The following TMEM39B variants were observed in gnomAD, a reference collection of about 807,000 sequenced individuals.
TMEM39B encodes transmembrane protein 39B.
Under a neutral mutation model 52.2 loss-of-function variants are expected in TMEM39B, and 23 were observed. That is an observed-to-expected ratio of 0.44 (90% CI 0.32 to 0.62). The LOEUF is 0.62. Ranked by LOEUF, TMEM39B falls within the 20% of genes least tolerant of loss-of-function variation. TMEM39B has a pLI of 0.06. For synonymous variants in TMEM39B, 285 were observed against 264.0 expected (o/e 1.08, Z -0.77); for missense variants, 547 against 642.0 (o/e 0.85, Z 1.60).
At chr1:32,075,239 A>T (rs775669449) in intron 2 of TMEM39B, among the ~76,000 whole-genome samples, 162 bp downstream of exon 2, 25 of 152,184 alleles carry the variant, frequency 1.6e-4, no homozygotes, top group Non-Finnish European at 3.2e-4. Flanking sequence ...GTTGAGGGTG[A>T]TCACTTGGAC....
rs1246890765 is a variant in TMEM39B at position 32,100,131 on chromosome 1, G to A, written c.1116-311G>A. 2.6e-5 allele frequency among the ~76,000 whole-genome samples: 4 copies of A among 152,196 alleles called. No homozygotes were observed. The East Asian group carries it at 7.7e-4, about 29-fold the overall frequency. On this transcript the variant is annotated intron_variant, in intron 7 of 8. Transcript: ENST00000336294. ...TTACAAAGACCACTCAGACAACTGT[G>A]TGGTGGACCACTTGGAGGCAAGAGG...
intron 7 of TMEM39B, among the ~76,000 whole-genome samples, chr1:32,099,329 G>A (rs966377925): frequency 6.6e-6 from 1 of 151,844 alleles, no homozygotes; most frequent in East Asian, 1.9e-4. Context: ...GTGGGGTGGG[G>A]TGGGGGAGGG....
At chr1:32,088,134 A>C (rs1412174428) in intron 5 of TMEM39B, among the ~76,000 whole-genome samples, 5 of 123,560 alleles carry the variant, frequency 4.0e-5, no homozygotes, top group Admixed American at 4.0e-4. Flanking sequence ...TCCAAAAAAA[A>C]AAGCCAGGCA....
At chr1:32,085,502 C>G (rs1640304672) in intron 5 of TMEM39B, among the ~76,000 whole-genome samples, 2 of 152,138 alleles carry the variant, frequency 1.3e-5, no homozygotes, top group Admixed American at 6.6e-5. Context: ...CCAGTAATCC[C>G]TGCACTTTGG....
intron 5 of TMEM39B, among the ~76,000 whole-genome samples, chr1:32,080,388 G>A (rs547289559): frequency 4.0e-5 from 6 of 151,656 alleles, no homozygotes; most frequent in African/African-American, 1.2e-4. Context: ...GTTGCCTGTC[G>A]GACGCGGTGG....
At chr1:32,083,984 C>G (rs538356284) in intron 5 of TMEM39B, among the ~76,000 whole-genome samples, 103 of 150,562 alleles carry the variant, frequency 6.8e-4, no homozygotes, top group Non-Finnish European at 1.2e-3. Context: ...GACCCTGTTT[C>G]AGACACACAG....
chr1:32,078,704 G>A (rs1288130853), intron 5 of TMEM39B, among the ~76,000 whole-genome samples: 3 of 147,062 alleles, frequency 2.0e-5, no homozygotes, highest in Non-Finnish European at 3.0e-5. Flanking sequence ...GCAGTGGCAC[G>A]ATCTCGGCTC....
chr1:32,093,399 CTTTTTTTTTT>C (rs34793281), intron 6 of TMEM39B, among the ~76,000 whole-genome samples: 10 of 50,326 alleles, frequency 2.0e-4, no homozygotes, highest in Non-Finnish European at 2.9e-4. Flanking sequence ...AAGCCCGGCC[CTTTTTTTTTT>C]TTTTTTTTTT....
intron 6 of TMEM39B, among the ~76,000 whole-genome samples, chr1:32,093,463 G>A (rs1009139557): frequency 3.6e-5 from 5 of 137,804 alleles, no homozygotes; most frequent in African/African-American, 1.4e-4. Context: ...CCAGGCTGGA[G>A]TGCAGTGGCG....
intron 5 of TMEM39B, among the ~76,000 whole-genome samples, chr1:32,080,104 G>T (rs967616581): frequency 2.0e-5 from 3 of 151,892 alleles, no homozygotes; most frequent in African/African-American, 7.2e-5. Flanking sequence ...TAGCCAGGAT[G>T]GTCTCGATCT....
chr1:32,100,110 A>G (rs942393190), intron 7 of TMEM39B, among the ~76,000 whole-genome samples: 15 of 152,128 alleles, frequency 9.9e-5, no homozygotes, highest in African/African-American at 3.4e-4. Flanking sequence ...AGTATTTTAC[A>G]AAGACCACTC....
chr1:32,095,591 T>C (rs1640781352), intron 7 of TMEM39B: 1 of 153,140 alleles, frequency 6.5e-6, no homozygotes, highest in South Asian at 2.0e-4. Flanking sequence ...GTCACACTGC[T>C]CAGGGGCCCT....
At position 32,090,806 on chromosome 1, in the gene TMEM39B, A is replaced by ATTTTTTGTAT. The variant is rs1462747994; in HGVS notation, c.591-863_591-854dup. ...AGGCGCCCGCCACCACGCCCGGCTA[A>ATTTTTTGTAT]TTTTTTGTATTTTTTAGTAGAGACG... On this transcript the variant is annotated intron_variant, in intron 5 of 8. Coordinates refer to ENST00000336294, the MANE Select transcript of TMEM39B (RefSeq NM_018056.4). Among the ~76,000 whole-genome samples, 7 of 151,924 alleles carry ATTTTTTGTAT rather than the reference A, an allele frequency of 4.6e-5. No homozygotes were observed. In the East Asian group the frequency reaches 1.4e-3, roughly 29 times the overall value.
At position 32,102,717 on chromosome 1, in the gene TMEM39B, G is replaced by A; in HGVS notation, c.*44G>A. 7 of 1,416,316 alleles carry A rather than the reference G, an allele frequency of 4.9e-6. No individual in the cohort carries two copies. The highest frequency in any genetic ancestry group is 6.5e-6 in the Non-Finnish European group (7 of 1,077,016). The allele number at this position is 1,416,316 out of a possible 1,614,324, so 87.7% of individuals were successfully genotyped here. A position where few individuals can be genotyped will look rare whatever the true frequency, so the allele number is the denominator to read the frequency against. On this transcript the variant is annotated 3_prime_UTR_variant, in exon 9 of 9. Coordinates refer to ENST00000336294, the MANE Select transcript of TMEM39B (RefSeq NM_018056.4). Reference sequence around the variant, plus strand: ...GGACAGCGTCCAGGCTTCAGCCAAGGGCTCCCTGGCAAGGGGCTGTTGGGT... The same window carrying A: ...GGACAGCGTCCAGGCTTCAGCCAAGAGCTCCCTGGCAAGGGGCTGTTGGGT...
chr1:32,073,837 G>A (rs1478008259), intron 1 of TMEM39B: 93 of 985,292 alleles, frequency 9.4e-5, no homozygotes, highest in Non-Finnish European at 1.1e-4. Flanking sequence ...GGCGTGGGGT[G>A]TATGTGAATG....
At chr1:32,093,639 T>C (rs568313380) in intron 6 of TMEM39B, among the ~76,000 whole-genome samples, 4 of 151,814 alleles carry the variant, frequency 2.6e-5, no homozygotes, top group Non-Finnish European at 4.4e-5. Context: ...CTCGAACTCC[T>C]GACCTCAAGT....
intron 6 of TMEM39B, among the ~76,000 whole-genome samples, chr1:32,093,660 A>G (rs1446997636): frequency 1.3e-5 from 2 of 149,896 alleles, no homozygotes; most frequent in Non-Finnish European, 3.0e-5. Flanking sequence ...GATCCACCCA[A>G]CTTAGCCTCC....
chr1:32,077,438 C>G (rs2124431368), intron 5 of TMEM39B, 120 bp downstream of exon 5: 1 of 1,266,294 alleles, frequency 7.9e-7, no homozygotes, highest in South Asian at 1.4e-5. Flanking sequence ...GCAACATCCT[C>G]TCACATTGTC....
At chr1:32,079,971 G>A (rs541724381) in intron 5 of TMEM39B, among the ~76,000 whole-genome samples, 3 of 152,016 alleles carry the variant, frequency 2.0e-5, no homozygotes, top group Admixed American at 6.5e-5. Flanking sequence ...GTTTCTCCAT[G>A]TTGGTCAGGC....
Sources: gnomAD v4.1 joint callset for allele counts (sites outside exome capture counted in the v4.1 genomes callset) on GRCh38, gnomAD v4.1.1 for gene constraint, MANE v1.5 for transcripts, NCBI Gene and HGNC (gene_info 2026-07-23, HGNC 2026-07-21) for gene names.